The following SEC24D variants were observed in gnomAD, a reference collection of about 807,000 sequenced individuals.
SEC24D encodes SEC24 homolog D, COPII component.
A neutral mutation model predicts 116.9 loss-of-function variants in SEC24D; 69 were observed. The ratio of observed to expected loss-of-function variants is 0.59; its 90% CI spans 0.49 to 0.72. The LOEUF (loss-of-function observed/expected upper bound fraction) is 0.72, where lower values mean the gene tolerates loss of function less well. SEC24D is among the 30% of genes least tolerant of loss of function. The pLI is 0.00. For missense variants in SEC24D, 1,131 were observed against 1,264.1 expected (o/e 0.89, Z 1.60); for synonymous variants, 405 against 442.8 (o/e 0.91, Z 1.07).
chr4:118,824,030 T>C (rs1730498898), intron 3 of SEC24D, among the ~76,000 whole-genome samples: 2 of 152,226 alleles, frequency 1.3e-5, no homozygotes, highest in African/African-American at 2.4e-5. Context: ...GGAATTAAAA[T>C]TGATATAAAA....
chr4:118,796,875 T>C (rs41455648), intron 8 of SEC24D, among the ~76,000 whole-genome samples: 6,200 of 152,320 alleles, frequency 0.041, 188 homozygotes, highest in Non-Finnish European at 0.064. Context: ...CTCTGGCCTT[T>C]AGTGCAGCAA....
Position 118,801,022 on chromosome 4 carries a change from A to G in SEC24D, c.914-3212T>C, listed in dbSNP as rs183009313. Among the ~76,000 whole-genome samples, 331 of 152,172 alleles carry G rather than the reference A, an allele frequency of 2.2e-3. 4 individuals carry two copies. In the Middle Eastern group the frequency reaches 0.034, roughly 16 times the overall value. On this transcript the variant is annotated intron_variant, in intron 7 of 22. Transcript: ENST00000280551. ...CACGCCTGTAATCCCAGCACTTTGG[A>G]AGGCCGAGACGGGTGGATCACAAGG... is the stretch of plus-strand genomic sequence containing the variant.
At chr4:118,761,307 C>A (rs1268215217) in intron 10 of SEC24D, among the ~76,000 whole-genome samples, 2 of 152,148 alleles carry the variant, frequency 1.3e-5, no homozygotes, top group Admixed American at 6.6e-5. Context: ...TGGAACAACT[C>A]CACCTTCACC....
At chr4:118,737,762 T>C (rs576158524) in intron 19 of SEC24D, among the ~76,000 whole-genome samples, 1 of 152,266 alleles carries the variant, frequency 6.6e-6, no homozygotes, top group South Asian at 2.1e-4. Context: ...AATTACTAGA[T>C]GATGGAGAGA....
intron 6 of SEC24D, among the ~76,000 whole-genome samples, chr4:118,812,601 G>A (rs1313718513): frequency 2.0e-5 from 3 of 151,390 alleles, no homozygotes; most frequent in South Asian, 2.1e-4. Context: ...GAGTTTGGCC[G>A]GGGCAGTCGG....
intron 3 of SEC24D, among the ~76,000 whole-genome samples, chr4:118,819,580 A>T (rs1458237100): frequency 6.6e-6 from 1 of 151,556 alleles, no homozygotes; most frequent in African/African-American, 2.4e-5. Context: ...TAAATGAAGT[A>T]ATTACACACA....
intron 21 of SEC24D, 184 bp from the exon 22 acceptor site, chr4:118,728,834 T>C: frequency 1.9e-6 from 1 of 516,462 alleles, no homozygotes; most frequent in East Asian, 3.2e-5. Flanking sequence ...TTCCCATAAT[T>C]GACAGAAGAC....
At position 118,764,903 on chromosome 4, in the gene SEC24D, A is replaced by C. The variant is rs775970346; in HGVS notation, c.1195T>G (p.Phe399Val). 6.3e-7 allele frequency: 1 copy of C among 1,596,504 alleles called. No individual in the cohort carries two copies. ...CTTCCAATGTGGTCCAGATGTTGGA[A>C]ATAGAATGGTGGAACTAATAAAAAC... Reference protein sequence around the residue: ...NCVNDVPPFYFQHLDHIGRRL... With the variant: ...NCVNDVPPFYVQHLDHIGRRL... The change falls in exon 10 of 23, where the codon TTC becomes GTC. Residue 399 changes from phenylalanine (F) to valine (V), a missense_variant. By Grantham distance (50) the Phe-to-Val change is conservative (BLOSUM62 -1). Coordinates refer to ENST00000280551, the MANE Select transcript of SEC24D (RefSeq NM_014822.4).
chr4:118,824,893 C>T, intron 2 of SEC24D, 144 bp from the exon 3 acceptor site: 3 of 644,420 alleles, frequency 4.7e-6, no homozygotes, highest in Non-Finnish European at 5.0e-6. Flanking sequence ...TTAACCATCA[C>T]CTACAGACCT....
intron 6 of SEC24D, among the ~76,000 whole-genome samples, chr4:118,812,451 G>T (rs1309036037): frequency 6.6e-6 from 1 of 152,094 alleles, no homozygotes; most frequent in Non-Finnish European, 1.5e-5. Flanking sequence ...AAAAACCTGA[G>T]TTCCTAGTGG....
intron 21 of SEC24D, 84 bp downstream of exon 21, chr4:118,731,230 CTG>C: frequency 9.3e-7 from 1 of 1,071,008 alleles, no homozygotes; most frequent in Non-Finnish European, 1.4e-6. Context: ...ATTTTTCTTT[CTG>C]TAATATTTGA....
chr4:118,776,451 G>T (rs1728133580), intron 8 of SEC24D, among the ~76,000 whole-genome samples: 2 of 152,084 alleles, frequency 1.3e-5, no homozygotes, highest in Non-Finnish European at 2.9e-5. Flanking sequence ...TTTCAGAAGG[G>T]AAAATAAATA....
At chr4:118,783,589 T>C (rs10470914) in intron 8 of SEC24D, among the ~76,000 whole-genome samples, 51,908 of 152,106 alleles carry the variant, frequency 0.34, 9,304 homozygotes, top group East Asian at 0.45. Context: ...GACATAAAGT[T>C]TTTCATAAAA....
intron 9 of SEC24D, among the ~76,000 whole-genome samples, chr4:118,767,345 G>A (rs758926402): frequency 3.3e-5 from 5 of 152,210 alleles, no homozygotes; most frequent in East Asian, 1.9e-4. Context: ...GTCAGCACCC[G>A]TGGGTAGAAC....
chr4:118,833,490 A>G (rs1730962351), intron 2 of SEC24D, 89 bp downstream of exon 2: 2 of 867,340 alleles, frequency 2.3e-6, no homozygotes, highest in Non-Finnish European at 1.8e-6. Context: ...TGATCATTCA[A>G]TGCTTTCAAA....
At chr4:118,797,907 G>A in intron 7 of SEC24D, 97 bp from the exon 8 acceptor site, 3 of 904,668 alleles carry the variant, frequency 3.3e-6, no homozygotes, top group Non-Finnish European at 4.7e-6. Flanking sequence ...ATAATGCATT[G>A]CATTATTTCT....
At chr4:118,822,417 C>T (rs1227592552) in intron 3 of SEC24D, among the ~76,000 whole-genome samples, 1 of 152,168 alleles carries the variant, frequency 6.6e-6, no homozygotes, top group African/African-American at 2.4e-5. Context: ...CCTAAGCAAC[C>T]TGATCAAGTG....
Position 118,752,080 on chromosome 4 carries a change from G to A in SEC24D, c.1623C>T (p.Asp541=), listed in dbSNP as rs957106111. The change falls in exon 13 of 23, where the codon GAC becomes GAT. Residue 541 remains aspartate (D), a synonymous_variant. Coordinates refer to ENST00000280551, the MANE Select transcript of SEC24D (RefSeq NM_014822.4). The stretch of plus-strand genomic sequence containing the variant: ...AGTCTGCAAACATGTCTGGAATCTG[G>A]TCCAACAAACTATAAGACATGAGTA... The part of the protein sequence containing the change: ...ESQSVIHNLL[D]QIPDMFADSN... 15 of 1,607,974 alleles carry A rather than the reference G, an allele frequency of 9.3e-6. No homozygotes were observed. The African/African-American group carries it at 1.1e-4, about 11-fold the overall frequency.
intron 3 of SEC24D, among the ~76,000 whole-genome samples, chr4:118,823,583 C>T (rs759488464): frequency 5.9e-5 from 9 of 152,192 alleles, no homozygotes; most frequent in Non-Finnish European, 1.0e-4. Flanking sequence ...ACACTGCCTG[C>T]GGCTTGGCAC....
Sources: allele counts gnomAD v4.1 joint callset (sites outside exome capture counted in the v4.1 genomes callset), GRCh38; gene constraint gnomAD v4.1.1; transcripts MANE v1.5; gene names NCBI Gene and HGNC (gene_info 2026-07-23, HGNC 2026-07-21).